PIK3AP1: variants seen among roughly 807,000 people sequenced by gnomAD.
The protein encoded by PIK3AP1 is phosphoinositide-3-kinase adaptor protein 1.
A neutral mutation model predicts 88.1 loss-of-function variants in PIK3AP1; 21 were observed. That is an observed-to-expected ratio of 0.24 (90% CI 0.17 to 0.34). The LOEUF (loss-of-function observed/expected upper bound fraction) is 0.34, where lower values mean the gene tolerates loss of function less well. PIK3AP1 is among the 10% of genes least tolerant of loss of function. The pLI, the probability that PIK3AP1 is intolerant of heterozygous loss-of-function variation, is 1.00. For synonymous variants in PIK3AP1, 398 were observed against 400.0 expected (o/e 1.00, Z 0.06); for missense variants, 828 against 1,035.7 (o/e 0.80, Z 2.75).
chr10:96,682,023 G>T (rs967495685), intron 2 of PIK3AP1, among the ~76,000 whole-genome samples: 4 of 151,948 alleles, frequency 2.6e-5, no homozygotes, highest in Admixed American at 1.3e-4. Context: ...TAGAGAGAGA[G>T]AGAGAGAGAG....
intron 3 of PIK3AP1, among the ~76,000 whole-genome samples, chr10:96,656,197 C>T (rs1489888284): frequency 6.6e-6 from 1 of 152,202 alleles, no homozygotes. Context: ...TAAAGAAAAA[C>T]CATCAGTACT....
intron 2 of PIK3AP1, among the ~76,000 whole-genome samples, chr10:96,670,315 T>G (rs907581313): frequency 1.3e-5 from 2 of 152,188 alleles, no homozygotes; most frequent in African/African-American, 2.4e-5. Flanking sequence ...GAAAAAGGCA[T>G]GATATTTTCT....
At chr10:96,675,896 A>C (rs1263750799) in intron 2 of PIK3AP1, among the ~76,000 whole-genome samples, 2 of 152,230 alleles carry the variant, frequency 1.3e-5, no homozygotes, top group African/African-American at 4.8e-5. Flanking sequence ...TACTCGTATT[A>C]GAATTGTATA....
chr10:96,662,192 T>C (rs981067770), intron 2 of PIK3AP1, among the ~76,000 whole-genome samples: 1 of 152,190 alleles, frequency 6.6e-6, no homozygotes, highest in Non-Finnish European at 1.5e-5. Context: ...AACTGATGAA[T>C]GGATAAACAA....
intron 13 of PIK3AP1, among the ~76,000 whole-genome samples, chr10:96,611,868 A>G (rs1294540360): frequency 6.6e-6 from 1 of 152,196 alleles, no homozygotes; most frequent in African/African-American, 2.4e-5. Flanking sequence ...AGTAAAATAC[A>G]CAGGAAAAAA....
At chr10:96,609,973 G>T in intron 13 of PIK3AP1, 106 bp from the exon 14 acceptor site, 1 of 1,316,764 alleles carries the variant, frequency 7.6e-7, no homozygotes, top group Non-Finnish European at 1.1e-6. Flanking sequence ...AGCCTGCATG[G>T]GAAGGGGAAG....
At chr10:96,595,679 T>G (rs1848742363) in intron 16 of PIK3AP1, 45 bp from the exon 17 acceptor site, 1 of 1,587,222 alleles carries the variant, frequency 6.3e-7, no homozygotes, top group African/African-American at 1.3e-5. Context: ...CTAATTTGAT[T>G]AAACAGTTCT....
intron 2 of PIK3AP1, among the ~76,000 whole-genome samples, chr10:96,665,554 C>A (rs1392839564): frequency 6.6e-6 from 1 of 152,200 alleles, no homozygotes; most frequent in Non-Finnish European, 1.5e-5. Flanking sequence ...GTCTGGTCTG[C>A]AGAAAGTCCT....
chr10:96,669,780 C>CAA (rs944666251), intron 2 of PIK3AP1, among the ~76,000 whole-genome samples: 2 of 144,738 alleles, frequency 1.4e-5, no homozygotes, highest in African/African-American at 5.1e-5. Context: ...AAAAAACAAA[C>CAA]AAAAAAAAAA....
At position 96,621,238 on chromosome 10, in the gene PIK3AP1, C is replaced by A. The variant is rs78727036; in HGVS notation, c.1736-681G>T. On this transcript the variant is annotated intron_variant, in intron 11 of 16. Coordinates refer to ENST00000339364, the MANE Select transcript of PIK3AP1 (RefSeq NM_152309.3). ...TTGTTCCCCCTGTAGCCTCTCTGTGCGGGTCCAATGGAGAGCTTGGCTGGG... is the reference window on the plus strand; with the variant it reads ...TTGTTCCCCCTGTAGCCTCTCTGTGAGGGTCCAATGGAGAGCTTGGCTGGG... The A allele has an allele frequency of 2.4e-3, 369 of 155,916 alleles. 2 individuals carry two copies. Among genetic ancestry groups the A allele is most frequent in the African/African-American group, 7.6e-3 (316 of 41,592 alleles). 9.7% of individuals were successfully genotyped at this position (155,916 alleles called of 1,614,324 possible).
rs1463416763 is a variant in PIK3AP1, at chr10:96,658,592, TA to T, written c.431-1659del. The stretch of plus-strand genomic sequence containing the variant: ...GGGCTTCTTCCCTAGCCATGCAGCT[TA>T]AAATCTCAGTAGCCTAGAGTGGAGG... On this transcript the variant is annotated intron_variant, in intron 2 of 16. Coordinates refer to ENST00000339364, the MANE Select transcript of PIK3AP1 (RefSeq NM_152309.3). Among the ~76,000 whole-genome samples, 6 of 152,232 alleles carry T rather than the reference TA, an allele frequency of 3.9e-5. No homozygotes were observed. In the East Asian group the frequency reaches 1.2e-3, roughly 29 times the overall value.
At chr10:96,714,735 T>A (rs1316594017) in intron 1 of PIK3AP1, among the ~76,000 whole-genome samples, 1 of 152,060 alleles carries the variant, frequency 6.6e-6, no homozygotes, top group Non-Finnish European at 1.5e-5. Flanking sequence ...ACGAGTCAAC[T>A]CAAAGCGCCC....
chr10:96,717,972 C>T (rs1844524771), intron 1 of PIK3AP1, among the ~76,000 whole-genome samples: 1 of 152,052 alleles, frequency 6.6e-6, no homozygotes. Context: ...AAGAATTAGG[C>T]CATAAAAAGG....
At chr10:96,671,688 C>G in intron 2 of PIK3AP1, among the ~76,000 whole-genome samples, 1 of 152,190 alleles carries the variant, frequency 6.6e-6, no homozygotes, top group Non-Finnish European at 1.5e-5. Flanking sequence ...TCATCATCAT[C>G]CTCATGATGC....
chr10:96,629,930 A>AAAAAAAAAG (rs776780994), intron 8 of PIK3AP1, among the ~76,000 whole-genome samples: 6 of 13,722 alleles, frequency 4.4e-4, no homozygotes, highest in East Asian at 3.8e-3. Flanking sequence ...AAAAAAAAAA[A>AAAAAAAAAG]AAGAAGAAGA....
chr10:96,642,434 A>C (rs1843402678), intron 8 of PIK3AP1, among the ~76,000 whole-genome samples: 1 of 146,254 alleles, frequency 6.8e-6, no homozygotes, highest in Non-Finnish European at 1.5e-5. Context: ...TCAAAAAAAA[A>C]AAAAAAAAAC....
At chr10:96,671,433 T>C (rs545616360) in intron 2 of PIK3AP1, among the ~76,000 whole-genome samples, 1 of 152,266 alleles carries the variant, frequency 6.6e-6, no homozygotes, top group African/African-American at 2.4e-5. Context: ...ACTAACCCCT[T>C]TCACTTACAA....
At chr10:96,663,001 T>C (rs984751163) in intron 2 of PIK3AP1, among the ~76,000 whole-genome samples, 2 of 151,346 alleles carry the variant, frequency 1.3e-5, no homozygotes, top group Non-Finnish European at 2.9e-5. Context: ...ACAGCATGCA[T>C]GAATCTTGAA....
chr10:96,683,369 C>G (rs1245610193), intron 2 of PIK3AP1, among the ~76,000 whole-genome samples: 2 of 152,106 alleles, frequency 1.3e-5, no homozygotes, highest in African/African-American at 2.4e-5. Flanking sequence ...GTTTCTCACT[C>G]TATGAGTACA....
Sources: gnomAD v4.1 joint callset for allele counts (sites outside exome capture counted in the v4.1 genomes callset) on GRCh38, gnomAD v4.1.1 for gene constraint, MANE v1.5 for transcripts, NCBI Gene and HGNC (gene_info 2026-07-23, HGNC 2026-07-21) for gene names.